ZNF525: variants seen among roughly 807,000 people sequenced by gnomAD.
The protein encoded by ZNF525 is zinc finger protein 525.
Under a neutral mutation model 37.6 loss-of-function variants are expected in ZNF525, and 33 were observed. That is an observed-to-expected ratio of 0.88 (90% confidence interval 0.67 to 1.17). ZNF525 has a LOEUF of 1.17. Among genes scored for constraint, ZNF525 ranks in the 50% most tolerant of loss-of-function variants. The probability of loss-of-function intolerance (pLI) is 0.00; values close to 1 mark genes in which losing one functional copy is unlikely to be tolerated. For synonymous variants in ZNF525, 170 were observed against 182.3 expected (o/e 0.93, Z 0.54); for missense variants, 449 against 543.1 (o/e 0.83, Z 1.72).
intron 1 of ZNF525, among the ~76,000 whole-genome samples, chr19:53,368,573 A>G (rs2085464074): frequency 6.6e-6 from 1 of 152,216 alleles, no homozygotes; most frequent in Non-Finnish European, 1.5e-5. Context: ...TTCTACAAAC[A>G]TAACATGAGG....
Position 53,385,342 on chromosome 19 carries a change from C to T in ZNF525, c.*3323C>T, listed in dbSNP as rs2085597679. On this transcript the variant is annotated 3_prime_UTR_variant, in exon 4 of 4. Transcript: ENST00000474037. ...TAAGACATGAGTATAAAAAGAGACT[C>T]CATCAAAGCAATATAAATTCTGATG... 5.3e-6 allele frequency: 1 copy of T among 189,364 alleles called. No homozygotes were observed. Among genetic ancestry groups the T allele is most frequent in the East Asian group, 1.2e-4 (1 of 8,066 alleles). The allele number at this position is 189,364 out of a possible 1,614,324, so 11.7% of individuals were successfully genotyped here.
chr19:53,370,874 G>A (rs1468993568), intron 1 of ZNF525, among the ~76,000 whole-genome samples: 1 of 152,176 alleles, frequency 6.6e-6, no homozygotes, highest in Non-Finnish European at 1.5e-5. Context: ...ACTCCTCACT[G>A]TGGCTCCACA....
chr19:53,382,728 C>A lies in ZNF525; in HGVS notation c.*709C>A. 1 of 792,098 alleles carries A rather than the reference C, an allele frequency of 1.3e-6. No homozygotes were observed. The highest frequency in any genetic ancestry group is 1.9e-5 in the Admixed American group (1 of 51,364). 49.1% of individuals were successfully genotyped at this position (792,098 alleles called of 1,614,324 possible). ...TGGAGAATCCATAATAAAGAGAGACCTTACAAGTGTGATAAATGTGACAAA... is the reference window on the plus strand; with the variant it reads ...TGGAGAATCCATAATAAAGAGAGACATTACAAGTGTGATAAATGTGACAAA... On this transcript the variant is annotated 3_prime_UTR_variant, in exon 4 of 4. Transcript: ENST00000474037.
At chr19:53,376,376 C>G in intron 3 of ZNF525, 1 of 694,076 alleles carries the variant, frequency 1.4e-6, no homozygotes, top group Non-Finnish European at 2.6e-6. Flanking sequence ...TAAATATTTG[C>G]ATTTGAAATA....
chr19:53,375,658 C>A, intron 2 of ZNF525, 112 bp from the exon 3 acceptor site: 2 of 1,607,700 alleles, frequency 1.2e-6, no homozygotes, highest in Non-Finnish European at 1.7e-6. Flanking sequence ...TCGGATTTGT[C>A]AGAACATTCA....
Position 53,382,686 on chromosome 19 carries a change from C to T in ZNF525, c.*667C>T, listed in dbSNP as rs2085575768. The T allele has an allele frequency of 2.7e-6, 2 of 739,788 alleles. No individual in the cohort carries two copies. Among genetic ancestry groups the T allele is most frequent in the East Asian group, 2.7e-5 (1 of 37,002 alleles). 45.8% of individuals were successfully genotyped at this position (739,788 alleles called of 1,614,324 possible). ...TGTCACCACGTCTTCAGTAATGCTA[C>T]AACTATTGCAAATCATTGGAGAATC... On this transcript the variant is annotated 3_prime_UTR_variant, in exon 4 of 4. Coordinates refer to ENST00000474037, the MANE Select transcript of ZNF525 (RefSeq NM_001348156.2).
Position 53,369,442 on chromosome 19 carries a change from G to C in ZNF525, c.-67-2773G>C, listed in dbSNP as rs576345844. On this transcript the variant is annotated intron_variant, in intron 1 of 3. Transcript: ENST00000474037. ...GGGTTTCACCATGTTGGCCAGGTTG[G>C]TCTCAAACTCCTGAACTCAGGTGAT... Among the ~76,000 whole-genome samples, 47 of 148,188 alleles carry C rather than the reference G, an allele frequency of 3.2e-4. 1 individual carries two copies. The East Asian group carries it at 8.0e-3, about 25-fold the overall frequency.
At chr19:53,376,250 T>G (rs1391538459) in intron 3 of ZNF525, 1 of 705,354 alleles carries the variant, frequency 1.4e-6, no homozygotes, top group East Asian at 2.7e-5. Context: ...AACTATTGGC[T>G]TTTGTTTTTA....
At position 53,379,931 on chromosome 19, in the gene ZNF525, G is replaced by T. The variant is rs375684630; in HGVS notation, c.143-791G>T. ...GCAGGAGAATGGCTTGAACCCAAAA[G>T]GTGGAGGTTGCAGTGAGCTGAGATC... is the stretch of plus-strand genomic sequence containing the variant. On this transcript the variant is annotated intron_variant, in intron 3 of 3. Transcript: ENST00000474037. Among the ~76,000 whole-genome samples, 81 of 152,236 alleles carry T rather than the reference G, an allele frequency of 5.3e-4. No homozygotes were observed. In the South Asian group the frequency reaches 0.017, roughly 31 times the overall value.
rs748374584 is a variant in ZNF525, at chr19:53,386,557, T to C, written c.*4538T>C. On this transcript the variant is annotated 3_prime_UTR_variant, in exon 4 of 4. Coordinates refer to ENST00000474037, the MANE Select transcript of ZNF525 (RefSeq NM_001348156.2). Reference sequence around the variant, plus strand: ...AAACGCATTGGTTGGCTGTGTTCAGTAATAAACGTGAGACTTTTCATTTCA... The same window carrying C: ...AAACGCATTGGTTGGCTGTGTTCAGCAATAAACGTGAGACTTTTCATTTCA... The C allele has an allele frequency of 6.5e-6, 3 of 459,198 alleles. No individual in the cohort carries two copies. Among genetic ancestry groups the C allele is most frequent in the Non-Finnish European group, 1.2e-5 (3 of 249,586 alleles). The allele number at this position is 459,198 out of a possible 1,614,324, so 28.4% of individuals were successfully genotyped here.
intron 1 of ZNF525, among the ~76,000 whole-genome samples, chr19:53,371,968 G>C (rs2085490892): frequency 6.6e-6 from 1 of 152,142 alleles, no homozygotes; most frequent in Non-Finnish European, 1.5e-5. Context: ...AGTTTGGTCA[G>C]GTCTGGGTCG....
chr19:53,366,611 CAG>C (rs1234246930), intron 1 of ZNF525, among the ~76,000 whole-genome samples: 9 of 148,672 alleles, frequency 6.1e-5, no homozygotes, highest in African/African-American at 2.0e-4. Context: ...GCTAGATGTA[CAG>C]AGAGATGAAG....
At position 53,381,574 on chromosome 19, in the gene ZNF525, G is replaced by A; in HGVS notation, c.995G>A (p.Cys332Tyr). 1.7e-6 allele frequency: 2 copies of A among 1,162,964 alleles called. No homozygotes were observed. Among genetic ancestry groups the A allele is most frequent in the Non-Finnish European group, 2.6e-6 (2 of 767,764 alleles). 72.0% of individuals were successfully genotyped at this position (1,162,964 alleles called of 1,614,324 possible). ...TGEKPHKCNE[C>Y]GKTFSQKSYL... ...GAGAAACCACATAAGTGTAATGAGTGTGGCAAGACCTTTAGTCAGAAGTCA... is the reference window on the plus strand; with the variant it reads ...GAGAAACCACATAAGTGTAATGAGTATGGCAAGACCTTTAGTCAGAAGTCA... The change falls in exon 4 of 4, where the codon TGT becomes TAT. Residue 332 changes from cysteine (C) to tyrosine (Y), a missense_variant. Transcript: ENST00000474037.
chr19:53,367,974 G>A (rs2085460010), intron 1 of ZNF525, among the ~76,000 whole-genome samples: 1 of 152,108 alleles, frequency 6.6e-6, no homozygotes, highest in Non-Finnish European at 1.5e-5. Flanking sequence ...TACAGAATTA[G>A]TCTTTCAGGG....
At chr19:53,376,026 C>T (rs1472703111) in intron 3 of ZNF525, 130 bp downstream of exon 3, 6 of 1,556,060 alleles carry the variant, frequency 3.9e-6, no homozygotes, top group Non-Finnish European at 5.2e-6. Context: ...TGGCTCACTG[C>T]AATCTTGAAT....
At chr19:53,377,481 GTCTT>G (rs112669647) in intron 3 of ZNF525, among the ~76,000 whole-genome samples, 21,761 of 151,442 alleles carry the variant, frequency 0.14, 1,693 homozygotes, top group African/African-American at 0.19. Flanking sequence ...CGGCCTATCT[GTCTT>G]TTTATTTACC....
intron 1 of ZNF525, among the ~76,000 whole-genome samples, chr19:53,370,091 A>T (rs1408352318): frequency 6.6e-6 from 1 of 151,310 alleles, no homozygotes; most frequent in Non-Finnish European, 1.5e-5. Context: ...GGTGATAAAG[A>T]CCAACACTTC....
At chr19:53,376,019 C>G (rs952613545) in intron 3 of ZNF525, 123 bp downstream of exon 3, 1 of 1,566,314 alleles carries the variant, frequency 6.4e-7, no homozygotes, top group Non-Finnish European at 8.6e-7. Flanking sequence ...GTGATCATGG[C>G]TCACTGCAAT....
intron 1 of ZNF525, among the ~76,000 whole-genome samples, chr19:53,367,531 A>G (rs2085457067): frequency 1.3e-5 from 2 of 152,174 alleles, no homozygotes; most frequent in African/African-American, 4.8e-5. Flanking sequence ...AAGGAGAGGT[A>G]AGAGGTAAGG....
Sources: gnomAD v4.1 joint callset for allele counts (sites outside exome capture counted in the v4.1 genomes callset) on GRCh38, gnomAD v4.1.1 for gene constraint, MANE v1.5 for transcripts, NCBI Gene and HGNC (gene_info 2026-07-23, HGNC 2026-07-21) for gene names.